GNAL: variants seen among roughly 807,000 people sequenced by gnomAD.
The protein encoded by GNAL is guanine nucleotide-binding protein G(olf) subunit alpha.
A neutral mutation model predicts 55.1 loss-of-function variants in GNAL; 18 were observed. The observed-to-expected ratio is 0.33, with a 90% confidence interval of 0.23 to 0.48. The LOEUF (loss-of-function observed/expected upper bound fraction) is 0.48. GNAL is among the 20% of genes least tolerant of loss of function. GNAL has a pLI of 0.99. For synonymous variants in GNAL, 253 were observed against 237.0 expected (o/e 1.07, Z -0.62); for missense variants, 412 against 614.1 (o/e 0.67, Z 3.48).
chr18:11,841,643 T>C (rs1468954285), intron 5 of GNAL, among the ~76,000 whole-genome samples: 1 of 28,428 alleles, frequency 3.5e-5, no homozygotes, highest in Non-Finnish European at 9.7e-5. Flanking sequence ...AGGGTCTGTC[T>C]CAAAAAAAAA....
At chr18:11,794,281 A>T (rs748089079) in intron 4 of GNAL, among the ~76,000 whole-genome samples, 3 of 152,260 alleles carry the variant, frequency 2.0e-5, no homozygotes, top group Non-Finnish European at 2.9e-5. Context: ...TCTCACATTA[A>T]TGTTGATAGC....
chr18:11,720,858 T>C (rs2032077384), intron 1 of GNAL, among the ~76,000 whole-genome samples: 1 of 152,260 alleles, frequency 6.6e-6, no homozygotes, highest in African/African-American at 2.4e-5. Flanking sequence ...ACAGGAAGTA[T>C]GCAAAGCACC....
rs1023078229 is a variant in GNAL, at chr18:11,868,703, A to T, written c.1031+40A>T. The T allele has an allele frequency of 2.5e-6, 4 of 1,571,878 alleles. No individual in the cohort carries two copies. In the African/African-American group the frequency reaches 5.5e-5, roughly 22 times the overall value. ...AAATTCAGTCTTACCATTGGATTGCAAATTTTCTTTTGTTAAAAATACGCT... is the reference window on the plus strand; with the variant it reads ...AAATTCAGTCTTACCATTGGATTGCTAATTTTCTTTTGTTAAAAATACGCT... On this transcript the variant is annotated intron_variant, in intron 9 of 11. Transcript: ENST00000334049. The surrounding 1 kb of genome is among the most constrained non-coding windows in gnomAD (Gnocchi z 4.0).
At chr18:11,815,708 C>T (rs1232441500) in intron 4 of GNAL, among the ~76,000 whole-genome samples, 1 of 152,032 alleles carries the variant, frequency 6.6e-6, no homozygotes, top group Non-Finnish European at 1.5e-5. Context: ...AAACTTTGCT[C>T]ATCAAAAAAT....
Position 11,884,716 on chromosome 18 carries a change from C to A in GNAL, c.*3581C>A. 7.0e-7 allele frequency: 1 copy of A among 1,423,636 alleles called. No individual in the cohort carries two copies. The highest frequency in any genetic ancestry group is 9.7e-7 in the Non-Finnish European group (1 of 1,035,408). The allele number at this position is 1,423,636 out of a possible 1,614,324, so 88.2% of individuals were successfully genotyped here. A position where few individuals can be genotyped will look rare whatever the true frequency, so the allele number is the denominator to read the frequency against. On this transcript the variant is annotated 3_prime_UTR_variant, in exon 12 of 12. Coordinates refer to ENST00000334049, the MANE Select transcript of GNAL (RefSeq NM_182978.4). ...GAAACAGCAGAGGGAAGACTGCCTT[C>A]TCAGGTCCCCCTCAGGTGAGGCAGG...
At chr18:11,783,812 T>C (rs1213055645) in intron 4 of GNAL, among the ~76,000 whole-genome samples, 2 of 152,234 alleles carry the variant, frequency 1.3e-5, no homozygotes, top group Non-Finnish European at 2.9e-5. Context: ...GTATTTGGCA[T>C]GTCTGGCACA....
chr18:11,870,073 T>A (rs2036360094), intron 9 of GNAL, among the ~76,000 whole-genome samples: 1 of 152,212 alleles, frequency 6.6e-6, no homozygotes, highest in Non-Finnish European at 1.5e-5. Flanking sequence ...ATGTGCATGG[T>A]TTATATGCAA....
At chr18:11,851,357 C>A in intron 5 of GNAL, 1 of 998,832 alleles carries the variant, frequency 1.0e-6, no homozygotes, top group Non-Finnish European at 1.4e-6. Flanking sequence ...CCGCCTTTGG[C>A]GCTGGGCTCT....
chr18:11,882,602 C>CTTGAACCTG lies in GNAL; in HGVS notation c.*1468_*1476dup, dbSNP rs1046016035. On this transcript the variant is annotated 3_prime_UTR_variant, in exon 12 of 12. Transcript: ENST00000334049. ...TCGAGAGGCTGAGGCAGGAGAATCTCTTGAACCTGGGAGGTGGAGATTGCA... is the reference window on the plus strand; with the variant it reads ...TCGAGAGGCTGAGGCAGGAGAATCTCTTGAACCTGTTGAACCTGGGAGGTGGAGATTGCA... 15 of 143,794 alleles carry CTTGAACCTG rather than the reference C, an allele frequency of 1.0e-4. No individual in the cohort carries two copies. The highest frequency in any genetic ancestry group is 3.6e-4 in the African/African-American group (14 of 38,492). The allele number at this position is 143,794 out of a possible 1,614,324, so 8.9% of individuals were successfully genotyped here. A position where few individuals can be genotyped will look rare whatever the true frequency, so the allele number is the denominator to read the frequency against.
intron 4 of GNAL, among the ~76,000 whole-genome samples, chr18:11,809,926 G>C (rs1017072669): frequency 6.6e-6 from 1 of 152,222 alleles, no homozygotes; most frequent in Non-Finnish European, 1.5e-5. Flanking sequence ...TACAGCTACT[G>C]CAGAATTACA....
chr18:11,713,663 G>T (rs1215597533), intron 1 of GNAL, among the ~76,000 whole-genome samples: 1 of 152,082 alleles, frequency 6.6e-6, no homozygotes, highest in African/African-American at 2.4e-5. Flanking sequence ...TATCTAGAGC[G>T]AAAACAATCA....
intron 1 of GNAL, among the ~76,000 whole-genome samples, chr18:11,691,750 T>G (rs574047286): frequency 1.3e-5 from 2 of 152,298 alleles, no homozygotes; most frequent in South Asian, 2.1e-4. Context: ...TTCTCAGGTT[T>G]CTCAAAGCAC....
At chr18:11,852,170 T>TG in intron 5 of GNAL, 1 of 1,485,042 alleles carries the variant, frequency 6.7e-7, no homozygotes, top group South Asian at 1.4e-5. Flanking sequence ...GCTCTCTGTG[T>TG]GTTAGAGAGA....
chr18:11,858,801 A>C (rs1314962074), intron 5 of GNAL, among the ~76,000 whole-genome samples: 1 of 152,210 alleles, frequency 6.6e-6, no homozygotes, highest in Non-Finnish European at 1.5e-5. Context: ...ATGTTCAATG[A>C]GACCTCCCAC....
At chr18:11,716,832 G>C (rs763692000) in intron 1 of GNAL, among the ~76,000 whole-genome samples, 4 of 152,354 alleles carry the variant, frequency 2.6e-5, no homozygotes, top group Middle Eastern at 3.4e-3. Context: ...CCCTGAGCTA[G>C]ACATGAAAGT....
intron 10 of GNAL, among the ~76,000 whole-genome samples, chr18:11,875,669 A>G (rs2036514200): frequency 6.6e-6 from 1 of 152,170 alleles, no homozygotes; most frequent in Non-Finnish European, 1.5e-5. Flanking sequence ...AGGCCTCCCC[A>G]GAAGCCTAGC....
At chr18:11,861,453 G>A (rs1365267382) in intron 5 of GNAL, among the ~76,000 whole-genome samples, 4 of 152,198 alleles carry the variant, frequency 2.6e-5, no homozygotes, top group South Asian at 2.1e-4. Context: ...TATTTACTGG[G>A]GCCAGGCCTG....
chr18:11,703,797 A>ACG (rs2031639988), intron 1 of GNAL, among the ~76,000 whole-genome samples: 2 of 57,634 alleles, frequency 3.5e-5, no homozygotes, highest in Admixed American at 1.7e-4. Flanking sequence ...GTTGATGGGC[A>ACG]CACACACACA....
Position 11,847,385 on chromosome 18 carries a change from CAT to C in GNAL, c.723-15009_723-15008del, listed in dbSNP as rs796722462. On this transcript the variant is annotated intron_variant, in intron 5 of 11. Transcript: ENST00000334049. ...ACTCACAAGAGAAAGTTATTTTTCA[CAT>C]CTTTTATTTTCTTTTTTTTTTTTTT... Among the ~76,000 whole-genome samples, 24 of 151,054 alleles carry C rather than the reference CAT, an allele frequency of 1.6e-4. 1 individual carries two copies. Among genetic ancestry groups the C allele is most frequent in the African/African-American group, 5.6e-4 (23 of 41,196 alleles).
Sources: gnomAD v4.1 joint callset for allele counts (sites outside exome capture counted in the v4.1 genomes callset) on GRCh38, gnomAD v4.1.1 for gene constraint, Gnocchi (gnomAD v3.1) non-coding constraint, MANE v1.5 for transcripts, NCBI Gene and HGNC (gene_info 2026-07-23, HGNC 2026-07-21) for gene names.